LAMA3: variants seen among roughly 807,000 people sequenced by gnomAD.
LAMA3 encodes laminin subunit alpha 3, also known as laminin subunit alpha-3.
Under a neutral mutation model 402.0 loss-of-function variants are expected in LAMA3, and 281 were observed. The ratio of observed to expected loss-of-function variants is 0.70; its 90% CI spans 0.63 to 0.77. The LOEUF (loss-of-function observed/expected upper bound fraction) is 0.77, where lower values mean the gene tolerates loss of function less well. LAMA3 is among the 30% of genes least tolerant of loss of function. The probability of loss-of-function intolerance (pLI) is 0.00; values close to 1 mark genes in which losing one functional copy is unlikely to be tolerated. For missense variants in LAMA3, 3,840 were observed against 4,215.5 expected, an observed-to-expected ratio of 0.91 and a Z score of 2.47; for synonymous variants, 1,431 against 1,558.4, an observed-to-expected ratio of 0.92 and a Z score of 1.93.
At chr18:23,823,447 C>T (rs932075769) in intron 20 of LAMA3, among the ~76,000 whole-genome samples, 11 of 152,186 alleles carry the variant, frequency 7.2e-5, no homozygotes, top group Non-Finnish European at 1.2e-4. Flanking sequence ...CCTTGTCCTC[C>T]GGGACACCTT....
At chr18:23,740,828 G>A (rs1250933148) in intron 2 of LAMA3, among the ~76,000 whole-genome samples, 1 of 152,136 alleles carries the variant, frequency 6.6e-6, no homozygotes, top group African/African-American at 2.4e-5. Context: ...GGGGACTTAG[G>A]GACCTCTTGA....
intron 32 of LAMA3, among the ~76,000 whole-genome samples, chr18:23,852,573 G>C (rs1380659084): frequency 1.3e-5 from 2 of 152,140 alleles, no homozygotes; most frequent in African/African-American, 4.8e-5. Flanking sequence ...GCTTCCTGTG[G>C]AAGGCACACA....
In LAMA3 at chr18:23,822,378, A is replaced by G; in HGVS notation, c.2428+3A>G. ...TATAACTATTTATCCATCCTGGGGTAAGGCACGTAGGTAAAATGTCAAGCC... is the reference window on the plus strand; with the variant it reads ...TATAACTATTTATCCATCCTGGGGTGAGGCACGTAGGTAAAATGTCAAGCC... On this transcript the variant is annotated splice_donor_region_variant and intron_variant, in intron 20 of 74. Transcript: ENST00000313654. 1 of 1,613,258 alleles carries G rather than the reference A, an allele frequency of 6.2e-7. No homozygotes were observed. Among genetic ancestry groups the G allele is most frequent in the Non-Finnish European group, 8.5e-7 (1 of 1,179,276 alleles).
rs1446615951 is a variant in LAMA3 at position 23,842,638 on chromosome 18, A to T, written c.3491A>T (p.His1164Leu). ...TCCTTCCATGCCTCTTTTTGCCCCC[A>T]TGTGCTTGGCTGCCGGGATCAAGTG... Reference protein sequence around the residue: ...AGSFHASFCPHVLGCRDQVIA... With the variant: ...AGSFHASFCPLVLGCRDQVIA... The change falls in exon 29 of 75, where the codon CAT becomes CTT. Residue 1164 changes from histidine to leucine, a missense_variant. Around this residue, in one of 3 missense-constraint regions of LAMA3, gnomAD observed 2,109 missense variants for 2,376.0 expected, o/e 0.89. Coordinates refer to ENST00000313654, the MANE Select transcript of LAMA3 (RefSeq NM_198129.4). The T allele has an allele frequency of 3.7e-6, 6 of 1,613,786 alleles. No homozygotes were observed. Among genetic ancestry groups the T allele is most frequent in the Non-Finnish European group, 5.1e-6 (6 of 1,179,986 alleles).
chr18:23,705,480 C>CACACACACAG (rs1302189076), intron 1 of LAMA3, among the ~76,000 whole-genome samples: 3 of 150,840 alleles, frequency 2.0e-5, no homozygotes, highest in South Asian at 2.1e-4. Flanking sequence ...CACACACACA[C>CACACACACAG]AGACATATAT....
At chr18:23,945,249 C>CTATT (rs1304001705) in intron 69 of LAMA3, among the ~76,000 whole-genome samples, 13 of 152,372 alleles carry the variant, frequency 8.5e-5, no homozygotes, top group African/African-American at 3.1e-4. Context: ...CACATGGCTG[C>CTATT]TATTGCCTTT....
chr18:23,905,667 T>A, intron 52 of LAMA3, 43 bp downstream of exon 52: 1 of 1,172,590 alleles, frequency 8.5e-7, no homozygotes, highest in Non-Finnish European at 1.3e-6. Context: ...TCAGGAGCTT[T>A]AAATGACCTC....
At chr18:23,766,840 G>GAAAAAAAA (rs1568162449) in intron 8 of LAMA3, among the ~76,000 whole-genome samples, 1 of 150,672 alleles carries the variant, frequency 6.6e-6, no homozygotes. Flanking sequence ...CTGTCTCAAA[G>GAAAAAAAA]AAAAAAAAAA....
intron 2 of LAMA3, among the ~76,000 whole-genome samples, chr18:23,742,650 A>ATG (rs141466075): frequency 0.57 from 83,782 of 147,834 alleles, 23,349 homozygotes; most frequent in Middle Eastern, 0.7. Context: ...AGAATCAAAA[A>ATG]TGTGTGTGTG....
chr18:23,897,136 CA>C (rs2080902152), intron 44 of LAMA3, among the ~76,000 whole-genome samples: 1 of 151,938 alleles, frequency 6.6e-6, no homozygotes, highest in African/African-American at 2.4e-5. Flanking sequence ...GGAAAAGACC[CA>C]ATTGAAAATC....
chr18:23,715,965 G>A (rs1030930526), intron 2 of LAMA3, among the ~76,000 whole-genome samples: 1 of 152,072 alleles, frequency 6.6e-6, no homozygotes, highest in Non-Finnish European at 1.5e-5. Flanking sequence ...TCCATGTGTT[G>A]TGCTAAATTA....
chr18:23,751,454 G>A (rs571373892), intron 5 of LAMA3, among the ~76,000 whole-genome samples: 22 of 152,096 alleles, frequency 1.4e-4, no homozygotes, highest in Non-Finnish European at 2.5e-4. Flanking sequence ...AGGTAGGATC[G>A]GCTCCACACA....
At chr18:23,887,070 A>AT (rs2065096168) in intron 41 of LAMA3, among the ~76,000 whole-genome samples, 1 of 152,206 alleles carries the variant, frequency 6.6e-6, no homozygotes, top group South Asian at 2.1e-4. Context: ...CTTGCCTTAC[A>AT]CTTATTCAGT....
chr18:23,790,261 A>G (rs2062624706), intron 12 of LAMA3, among the ~76,000 whole-genome samples: 1 of 152,232 alleles, frequency 6.6e-6, no homozygotes, highest in African/African-American at 2.4e-5. Flanking sequence ...ATTAGTGGAT[A>G]GAGAAATCAA....
chr18:23,815,606 C>A, intron 17 of LAMA3, 33 bp downstream of exon 17: 1 of 1,363,272 alleles, frequency 7.3e-7, no homozygotes, highest in Non-Finnish European at 1.1e-6. Flanking sequence ...GAGCAAAGCA[C>A]AGTGTTGATG....
intron 38 of LAMA3, chr18:23,872,868 G>C: frequency 1.5e-6 from 1 of 674,056 alleles, no homozygotes; most frequent in Non-Finnish European, 2.6e-6. Context: ...TTACCTGCGG[G>C]ACTGTTATGT....
chr18:23,732,356 C>T (rs57379642), intron 2 of LAMA3, among the ~76,000 whole-genome samples: 2,264 of 152,194 alleles, frequency 0.015, 52 homozygotes, highest in African/African-American at 0.052. Flanking sequence ...GGCAAAGCCT[C>T]CCAAGTGACT....
At chr18:23,761,317 T>A (rs1386165464) in intron 7 of LAMA3, among the ~76,000 whole-genome samples, 1 of 152,204 alleles carries the variant, frequency 6.6e-6, no homozygotes, top group African/African-American at 2.4e-5. Context: ...AACAAATATA[T>A]TGTTGCTTGC....
At chr18:23,946,458 CA>C in intron 70 of LAMA3, 174 bp downstream of exon 70, 1 of 756,400 alleles carries the variant, frequency 1.3e-6, no homozygotes, top group Non-Finnish European at 2.2e-6. Flanking sequence ...TTTCTTAACC[CA>C]AAGCCTTCAT....
Sources: allele counts gnomAD v4.1 joint callset (sites outside exome capture counted in the v4.1 genomes callset), GRCh38; gene constraint gnomAD v4.1.1; regional missense constraint gnomAD v4.1.1; transcripts MANE v1.5; gene names NCBI Gene and HGNC (gene_info 2026-07-23, HGNC 2026-07-21).